The following TMEM135 variants were observed in gnomAD, a reference collection of about 807,000 sequenced individuals.
TMEM135 encodes transmembrane protein 135.
TMEM135 carries 30 observed loss-of-function variants against 60.3 expected under a neutral mutation model. That is an observed-to-expected ratio of 0.50 (90% CI 0.37 to 0.68). The LOEUF is 0.68. Ranked by LOEUF, TMEM135 falls within the 30% of genes least tolerant of loss-of-function variation. TMEM135 has a pLI of 0.00. For synonymous variants in TMEM135, 190 were observed against 186.7 expected, an observed-to-expected ratio of 1.02 and a Z score of -0.14; for missense variants, 468 against 548.8, an observed-to-expected ratio of 0.85 and a Z score of 1.47.
chr11:87,287,108 A>C (rs991974171), intron 6 of TMEM135, among the ~76,000 whole-genome samples: 1 of 152,300 alleles, frequency 6.6e-6, no homozygotes, highest in African/African-American at 2.4e-5. Context: ...TGTATGTAAC[A>C]CTTTACTCCA....
intron 6 of TMEM135, among the ~76,000 whole-genome samples, chr11:87,244,836 G>T (rs1313927794): frequency 6.7e-6 from 1 of 148,470 alleles, no homozygotes; most frequent in Non-Finnish European, 1.5e-5. Context: ...AGGGTTTTTT[G>T]TGTCTCTGTT....
chr11:87,243,350 C>T (rs1941184575), intron 6 of TMEM135, among the ~76,000 whole-genome samples: 1 of 144,104 alleles, frequency 6.9e-6, no homozygotes, highest in African/African-American at 2.6e-5. Flanking sequence ...TTTTTTGGTT[C>T]CATATGAACT....
At chr11:87,222,910 C>T (rs1446171582) in intron 5 of TMEM135, among the ~76,000 whole-genome samples, 1 of 152,150 alleles carries the variant, frequency 6.6e-6, no homozygotes, top group Non-Finnish European at 1.5e-5. Context: ...TTGCAAAACT[C>T]TATTCAACAT....
chr11:87,132,146 A>G (rs923108721), intron 4 of TMEM135, among the ~76,000 whole-genome samples: 4 of 152,104 alleles, frequency 2.6e-5, no homozygotes, highest in Non-Finnish European at 5.9e-5. Flanking sequence ...AATAAAGTGA[A>G]CAGTAAATGT....
chr11:87,098,697 A>T (rs184095436), intron 4 of TMEM135, among the ~76,000 whole-genome samples: 297 of 151,700 alleles, frequency 2.0e-3, no homozygotes, highest in African/African-American at 5.2e-3. Context: ...ATATATATAT[A>T]TATTTTTTTG....
chr11:87,110,964 G>A (rs926526786), intron 4 of TMEM135, among the ~76,000 whole-genome samples: 1 of 152,148 alleles, frequency 6.6e-6, no homozygotes, highest in African/African-American at 2.4e-5. Flanking sequence ...TAAGTTCTGG[G>A]ACTTAGCCCT....
At chr11:87,296,740 T>C (rs1320265250) in intron 7 of TMEM135, among the ~76,000 whole-genome samples, 1 of 152,200 alleles carries the variant, frequency 6.6e-6, no homozygotes, top group African/African-American at 2.4e-5. Flanking sequence ...TGTTATATTC[T>C]CATAGATGAT....
At chr11:87,120,099 GT>G (rs148391412) in intron 4 of TMEM135, among the ~76,000 whole-genome samples, 17,107 of 100,588 alleles carry the variant, frequency 0.17, 1,183 homozygotes, top group Middle Eastern at 0.27. Flanking sequence ...TTATTAGTCT[GT>G]TTTTTTCTTC....
At chr11:87,316,281 TGTGTGAGAGA>T (rs757773260) in intron 12 of TMEM135, among the ~76,000 whole-genome samples, 4 of 150,970 alleles carry the variant, frequency 2.6e-5, no homozygotes, top group Non-Finnish European at 4.4e-5. Flanking sequence ...TGTGTGTGTG[TGTGTGAGAGA>T]GAGAGAGAGA....
intron 5 of TMEM135, among the ~76,000 whole-genome samples, chr11:87,214,783 A>C (rs541296432): frequency 6.6e-6 from 1 of 152,176 alleles, no homozygotes; most frequent in African/African-American, 2.4e-5. Flanking sequence ...GATTAGTTAC[A>C]AGATCTTTTT....
chr11:87,103,241 G>A (rs1857505254), intron 4 of TMEM135, among the ~76,000 whole-genome samples: 1 of 152,040 alleles, frequency 6.6e-6, no homozygotes, highest in South Asian at 2.1e-4. Context: ...GGTATTTTTA[G>A]TTTTTTAAGG....
chr11:87,115,181 G>C (rs1037857133), intron 4 of TMEM135, among the ~76,000 whole-genome samples: 1 of 151,854 alleles, frequency 6.6e-6, no homozygotes, highest in African/African-American at 2.4e-5. Flanking sequence ...ATTTGTGTAG[G>C]CCAAACCTTA....
chr11:87,041,573 C>T (rs977842902), intron 1 of TMEM135, among the ~76,000 whole-genome samples: 1 of 152,146 alleles, frequency 6.6e-6, no homozygotes, highest in Non-Finnish European at 1.5e-5. Flanking sequence ...GAGCCTTAGT[C>T]CCCTTGCTTT....
chr11:87,181,555 C>T (rs918372215), intron 5 of TMEM135, among the ~76,000 whole-genome samples: 1 of 151,892 alleles, frequency 6.6e-6, no homozygotes, highest in African/African-American at 2.4e-5. Context: ...ACATGGAGAC[C>T]CAGATCAGTG....
At chr11:87,065,417 C>T (rs926829308) in intron 1 of TMEM135, among the ~76,000 whole-genome samples, 1 of 152,164 alleles carries the variant, frequency 6.6e-6, no homozygotes, top group Non-Finnish European at 1.5e-5. Flanking sequence ...GTGGCTTTAA[C>T]TAGCATTTTC....
intron 3 of TMEM135, among the ~76,000 whole-genome samples, chr11:87,086,708 G>C (rs12363760): frequency 0.081 from 12,368 of 152,216 alleles, 573 homozygotes; most frequent in East Asian, 0.17. Flanking sequence ...ATTAGGAAAG[G>C]GTAGGTATAT....
rs533522156 is a variant in TMEM135 at position 87,300,430 on chromosome 11, T to A, written c.552-1866T>A. Among the ~76,000 whole-genome samples the A allele has an allele frequency of 3.4e-3, 516 of 152,326 alleles. 2 individuals are homozygous for A. The highest frequency in any genetic ancestry group is 5.4e-3 in the Admixed American group (82 of 15,296). On this transcript the variant is annotated intron_variant, in intron 7 of 14. Coordinates refer to ENST00000305494, the MANE Select transcript of TMEM135 (RefSeq NM_022918.4). The stretch of plus-strand genomic sequence containing the variant: ...TTAGAAATATATGTAGCTTAGTGTT[T>A]AAGAAGCCAAACTTTAGGCCAGACA...
At position 87,245,486 on chromosome 11, in the gene TMEM135, A is replaced by T. The variant is rs557818041; in HGVS notation, c.509+8802A>T. Among the ~76,000 whole-genome samples, 177 of 139,848 alleles carry T rather than the reference A, an allele frequency of 1.3e-3. 2 individuals carry two copies. The highest frequency in any genetic ancestry group is 2.2e-3 in the Non-Finnish European group (138 of 64,122). 91.7% of individuals were successfully genotyped at this position (139,848 alleles called of 152,430 possible). On this transcript the variant is annotated intron_variant, in intron 6 of 14. Coordinates refer to ENST00000305494, the MANE Select transcript of TMEM135 (RefSeq NM_022918.4). ...TCCCATTATTATTGTGTGGGAGTCT[A>T]AGTCTCTTTGTAGGTCACTCAGGAC...
chr11:87,234,474 G>C (rs2135371268), intron 5 of TMEM135, among the ~76,000 whole-genome samples: 1 of 152,086 alleles, frequency 6.6e-6, no homozygotes, highest in East Asian at 1.9e-4. Flanking sequence ...AATTATTGGT[G>C]ATATTAGAGA....
Sources: allele counts gnomAD v4.1 joint callset (sites outside exome capture counted in the v4.1 genomes callset), GRCh38; gene constraint gnomAD v4.1.1; transcripts MANE v1.5; gene names NCBI Gene and HGNC (gene_info 2026-07-23, HGNC 2026-07-21).